LINGO2: variants seen among roughly 807,000 people sequenced by gnomAD.
LINGO2 encodes the protein leucine rich repeat and Ig domain containing 2.
A neutral mutation model predicts 30.6 loss-of-function variants in LINGO2; 14 were observed. The observed-to-expected ratio is 0.46, with a 90% CI of 0.30 to 0.72. The LOEUF is 0.72. Ranked by LOEUF, LINGO2 falls within the 30% of genes least tolerant of loss-of-function variation. LINGO2 has a pLI of 0.07. For missense variants in LINGO2, 729 were observed against 751.7 expected (o/e 0.97, Z 0.35); for synonymous variants, 317 against 288.5 (o/e 1.10, Z -1.00).
At chr9:28,162,024 AT>A (rs1156255530) in intron 4 of LINGO2, among the ~76,000 whole-genome samples, 2 of 152,164 alleles carry the variant, frequency 1.3e-5, no homozygotes, top group Non-Finnish European at 2.9e-5. Context: ...GTTTGCAGTG[AT>A]TTCAAAATTT....
chr9:28,903,738 C>T, the LINGO2 span, among the ~76,000 whole-genome samples: 1 of 152,056 alleles, frequency 6.6e-6, no homozygotes, highest in Non-Finnish European at 1.5e-5. Flanking sequence ...TTAGACTTAT[C>T]AGAGCACTGG....
intron 1 of LINGO2, among the ~76,000 whole-genome samples, chr9:28,479,081 T>C (rs1221587363): frequency 2.0e-5 from 3 of 152,004 alleles, no homozygotes; most frequent in African/African-American, 7.2e-5. Flanking sequence ...AAGTTAAAAG[T>C]AGTAGTTATC....
intron 4 of LINGO2, among the ~76,000 whole-genome samples, chr9:28,049,832 C>T (rs560285057): frequency 8.0e-5 from 12 of 150,532 alleles, no homozygotes; most frequent in South Asian, 2.1e-4. Context: ...AAGGCTAAAG[C>T]GGTTGGACTC....
intron 1 of LINGO2, among the ~76,000 whole-genome samples, chr9:28,617,150 A>T (rs942674419): frequency 2.3e-4 from 35 of 152,170 alleles, no homozygotes; most frequent in African/African-American, 8.0e-4. Context: ...CTAATAACAT[A>T]TTAAAACCAT....
At chr9:28,108,198 A>C (rs1826656796) in intron 4 of LINGO2, among the ~76,000 whole-genome samples, 1 of 152,122 alleles carries the variant, frequency 6.6e-6, no homozygotes, top group African/African-American at 2.4e-5. Context: ...TCAATACCAA[A>C]TGCTATCTTT....
chr9:28,714,424 T>G, the LINGO2 span, among the ~76,000 whole-genome samples: 1 of 151,982 alleles, frequency 6.6e-6, no homozygotes, highest in African/African-American at 2.4e-5. Flanking sequence ...ATCTGCCAGT[T>G]GCTCTGTAAT....
the LINGO2 span, among the ~76,000 whole-genome samples, chr9:28,818,959 A>T: frequency 6.6e-6 from 1 of 152,226 alleles, no homozygotes; most frequent in Admixed American, 6.5e-5. Context: ...AACCATTCAC[A>T]ATAAGAAAGC....
At chr9:27,990,133 T>C (rs908251232) in intron 5 of LINGO2, among the ~76,000 whole-genome samples, 16 of 152,038 alleles carry the variant, frequency 1.1e-4, no homozygotes, top group Non-Finnish European at 2.4e-4. Context: ...AACTGATCTT[T>C]TTACACATAC....
At chr9:28,943,706 T>C in the LINGO2 span, among the ~76,000 whole-genome samples, 4 of 152,180 alleles carry the variant, frequency 2.6e-5, no homozygotes, top group East Asian at 1.9e-4. Flanking sequence ...ACGTATGCAT[T>C]GCTCTGTAAT....
chr9:27,980,204 G>A lies in LINGO2; in HGVS notation c.-35-29498C>T, dbSNP rs1184124464. Reference sequence around the variant, plus strand: ...AGTAATGAAGCCAGTCTTAAACACAGTTCAAGAAAGACACAGCTTTAGCTA... The same window carrying A: ...AGTAATGAAGCCAGTCTTAAACACAATTCAAGAAAGACACAGCTTTAGCTA... On this transcript the variant is annotated intron_variant, in intron 5 of 5. Transcript: ENST00000379992. 2.6e-5 allele frequency among the ~76,000 whole-genome samples: 4 copies of A among 151,950 alleles called. No homozygotes were observed. The East Asian group carries it at 7.8e-4, about 29-fold the overall frequency.
At chr9:28,567,794 AAAATAAATAAATAAAT>A (rs35618477) in intron 1 of LINGO2, among the ~76,000 whole-genome samples, 15 of 149,904 alleles carry the variant, frequency 1.0e-4, no homozygotes, top group Admixed American at 1.0e-3. Flanking sequence ...TCCTGAATCT[AAAATAAATAAATAAAT>A]AAATAAATAA....
chr9:28,565,708 C>T (rs984749170), intron 1 of LINGO2, among the ~76,000 whole-genome samples: 4 of 151,588 alleles, frequency 2.6e-5, no homozygotes, highest in Non-Finnish European at 4.4e-5. Context: ...CCCACCACCA[C>T]GCCCACCTAA....
At chr9:28,266,722 T>C (rs112086799) in intron 4 of LINGO2, among the ~76,000 whole-genome samples, 2,986 of 152,152 alleles carry the variant, frequency 0.02, 93 homozygotes, top group African/African-American at 0.069. Flanking sequence ...TGGGTTAATA[T>C]TCTTGCTCTG....
At chr9:28,847,820 C>CTGTATATGTGTATAGT in the LINGO2 span, among the ~76,000 whole-genome samples, 1 of 36,600 alleles carries the variant, frequency 2.7e-5, no homozygotes, top group South Asian at 8.5e-4. Flanking sequence ...TGTATATATA[C>CTGTATATGTGTATAGT]ATATATATGT....
chr9:28,346,950 T>A, intron 3 of LINGO2, among the ~76,000 whole-genome samples: 1 of 152,190 alleles, frequency 6.6e-6, no homozygotes, highest in Non-Finnish European at 1.5e-5. Context: ...ATACATAGTT[T>A]GCAAATATTT....
At chr9:28,714,164 A>AATCTATATATATATATATACAT in the LINGO2 span, among the ~76,000 whole-genome samples, 109 of 117,166 alleles carry the variant, frequency 9.3e-4, 1 homozygote, top group African/African-American at 3.4e-3. Context: ...TGCCTCAAAT[A>AATCTATATATATATATATACAT]ATATATATAT....
At chr9:29,109,746 T>G in the LINGO2 span, among the ~76,000 whole-genome samples, 29 of 152,236 alleles carry the variant, frequency 1.9e-4, no homozygotes, top group Non-Finnish European at 2.8e-4. Context: ...ACGCATAGAG[T>G]TAATTTAGAA....
At chr9:28,305,663 T>A (rs1824319261) in intron 3 of LINGO2, among the ~76,000 whole-genome samples, 2 of 152,040 alleles carry the variant, frequency 1.3e-5, no homozygotes, top group Admixed American at 6.6e-5. Context: ...ACAACGTACA[T>A]ACAAGATCTG....
In LINGO2 at chr9:28,049,699, A is replaced by G. The variant is rs1460465922; in HGVS notation, c.-86-37294T>C. ...AGACCAAATGTGTAAAGGAGGCATT[A>G]TAATGCCTGATGCGGCAGGTCTAAC... On this transcript the variant is annotated intron_variant, in intron 4 of 5. Transcript: ENST00000379992. 2.0e-5 allele frequency among the ~76,000 whole-genome samples: 3 copies of G among 150,750 alleles called. 1 individual carries two copies. Among genetic ancestry groups the G allele is most frequent in the African/African-American group, 7.4e-5 (3 of 40,780 alleles).
Sources: gnomAD v4.1 joint callset for allele counts (sites outside exome capture counted in the v4.1 genomes callset) on GRCh38, gnomAD v4.1.1 for gene constraint, MANE v1.5 for transcripts, NCBI Gene and HGNC (gene_info 2026-07-23, HGNC 2026-07-21) for gene names.